Variants in LRP1B observed in about 807,000 individuals in gnomAD.
The protein encoded by LRP1B is low-density lipoprotein receptor-related protein 1B.
A neutral mutation model predicts 556.6 loss-of-function variants in LRP1B; 217 were observed. The observed-to-expected ratio is 0.39, with a 90% CI of 0.35 to 0.44. The LOEUF (loss-of-function observed/expected upper bound fraction) is 0.44. Ranked by LOEUF, LRP1B falls within the 20% of genes least tolerant of loss-of-function variation. LRP1B has a pLI of 1.00. For synonymous variants in LRP1B, 2,047 were observed against 1,865.8 expected (o/e 1.10, Z -2.50); for missense variants, 5,053 against 5,620.8 (o/e 0.90, Z 3.23).
intron 3 of LRP1B, among the ~76,000 whole-genome samples, chr2:141,320,888 A>G (rs925866338): frequency 6.6e-6 from 1 of 152,090 alleles, no homozygotes; most frequent in African/African-American, 2.4e-5. Flanking sequence ...AAGAAATAAC[A>G]AAGGCTTTAT....
At chr2:140,290,676 C>A (rs984240422) in intron 84 of LRP1B, among the ~76,000 whole-genome samples, 1 of 152,054 alleles carries the variant, frequency 6.6e-6, no homozygotes, top group African/African-American at 2.4e-5. Context: ...ACTTTGGTCG[C>A]TTTTAGCTGG....
chr2:141,666,865 C>T (rs1293397136), intron 2 of LRP1B, among the ~76,000 whole-genome samples: 1 of 152,112 alleles, frequency 6.6e-6, no homozygotes, highest in Admixed American at 6.5e-5. Flanking sequence ...AACCATTTAA[C>T]CTTGGTACAG....
At chr2:141,303,425 T>C (rs1460789597) in intron 3 of LRP1B, among the ~76,000 whole-genome samples, 2 of 152,138 alleles carry the variant, frequency 1.3e-5, no homozygotes, top group Non-Finnish European at 2.9e-5. Flanking sequence ...CTCTTCATGG[T>C]AATCACCAAC....
At chr2:141,003,401 G>A (rs1697480503) in intron 15 of LRP1B, among the ~76,000 whole-genome samples, 1 of 151,986 alleles carries the variant, frequency 6.6e-6, no homozygotes, top group Admixed American at 6.6e-5. Context: ...ATGAGATGGT[G>A]ATACGGTTTG....
intron 18 of LRP1B, among the ~76,000 whole-genome samples, chr2:140,970,493 T>A (rs1028499823): frequency 6.6e-6 from 1 of 152,062 alleles, no homozygotes; most frequent in African/African-American, 2.4e-5. Flanking sequence ...TCAGAGGAGT[T>A]TGATCATCTG....
At chr2:140,255,218 C>T (rs1681622647) in intron 86 of LRP1B, among the ~76,000 whole-genome samples, 1 of 152,044 alleles carries the variant, frequency 6.6e-6, no homozygotes, top group African/African-American at 2.4e-5. Context: ...ACAAAATTAC[C>T]CATTCACACA....
intron 7 of LRP1B, among the ~76,000 whole-genome samples, chr2:141,111,772 C>G (rs974728847): frequency 6.6e-6 from 1 of 152,100 alleles, no homozygotes; most frequent in Non-Finnish European, 1.5e-5. Flanking sequence ...CTACTCCAGC[C>G]GGTAGTGGTG....
chr2:140,604,232 A>G (rs1481910457), intron 41 of LRP1B, among the ~76,000 whole-genome samples: 6 of 151,702 alleles, frequency 4.0e-5, no homozygotes, highest in Non-Finnish European at 5.9e-5. Flanking sequence ...TGCCAAGAAA[A>G]AAAAAAAAAA....
intron 6 of LRP1B, among the ~76,000 whole-genome samples, chr2:141,197,838 C>T (rs1455895916): frequency 1.3e-5 from 2 of 152,028 alleles, no homozygotes; most frequent in Non-Finnish European, 2.9e-5. Context: ...AAGTTGTCTT[C>T]TAGCTTTGGT....
intron 41 of LRP1B, among the ~76,000 whole-genome samples, chr2:140,677,128 C>T (rs1402100418): frequency 6.6e-6 from 1 of 152,262 alleles, no homozygotes; most frequent in East Asian, 1.9e-4. Flanking sequence ...CAGGATGAAA[C>T]TGTGTCAGAG....
At position 141,122,828 on chromosome 2, in the gene LRP1B, T is replaced by C. The variant is rs572849558; in HGVS notation, c.1014-60555A>G. On this transcript the variant is annotated intron_variant, in intron 7 of 90. Coordinates refer to ENST00000389484, the MANE Select transcript of LRP1B (RefSeq NM_018557.3). ...ATGTTTATAGCGGCACTATTCACAA[T>C]AGCAAAGACTTGGAACCAACCCAAA... 3.8e-3 allele frequency among the ~76,000 whole-genome samples: 571 copies of C among 152,204 alleles called. 4 individuals carry two copies. Among genetic ancestry groups the C allele is most frequent in the African/African-American group, 0.012 (513 of 41,544 alleles).
chr2:140,780,635 C>T (rs1446480853), intron 32 of LRP1B, among the ~76,000 whole-genome samples: 3 of 152,078 alleles, frequency 2.0e-5, no homozygotes, highest in Admixed American at 6.5e-5. Flanking sequence ...TAAAGAGAGC[C>T]GTGGGGGTAG....
chr2:141,383,846 T>A (rs10166697), intron 3 of LRP1B, among the ~76,000 whole-genome samples: 2 of 151,926 alleles, frequency 1.3e-5, no homozygotes, highest in African/African-American at 4.8e-5. Context: ...TTAACAAGGG[T>A]TGGAGGATAC....
At chr2:142,075,312 TAG>T (rs1298673484) in intron 1 of LRP1B, among the ~76,000 whole-genome samples, 3 of 152,088 alleles carry the variant, frequency 2.0e-5, no homozygotes, top group Non-Finnish European at 4.4e-5. Context: ...GGTGTATTAA[TAG>T]AGTAAGTAAT....
At position 140,370,813 on chromosome 2, in the gene LRP1B, A is replaced by C. The variant is rs748980160; in HGVS notation, c.10905T>G (p.Asp3635Glu). 6.2e-7 allele frequency: 1 copy of C among 1,612,708 alleles called. No individual in the cohort carries two copies. Among genetic ancestry groups the C allele is most frequent in the Non-Finnish European group, 8.5e-7 (1 of 1,179,076 alleles). The change falls in exon 71 of 91, where the codon GAT becomes GAG. Residue 3635 changes from aspartate (D) to glutamate (E), a missense_variant. Coordinates refer to ENST00000389484, the MANE Select transcript of LRP1B (RefSeq NM_018557.3). ...GGGCTTTATTTTTGCACCGAAACTG[A>C]TCTTCCTTACATTCAGTCACACAGT... is the stretch of plus-strand genomic sequence containing the variant. Reference protein sequence around the residue: ...EMDCVTECKEDQFRCKNKAHC... With the variant: ...EMDCVTECKEEQFRCKNKAHC...
intron 3 of LRP1B, among the ~76,000 whole-genome samples, chr2:141,260,725 G>A (rs913560293): frequency 8.5e-5 from 13 of 152,166 alleles, no homozygotes; most frequent in African/African-American, 3.1e-4. Flanking sequence ...GTGAGAACAT[G>A]GCTGAGCTAT....
At chr2:140,640,798 G>A (rs939358062) in intron 41 of LRP1B, among the ~76,000 whole-genome samples, 3 of 152,146 alleles carry the variant, frequency 2.0e-5, no homozygotes, top group Non-Finnish European at 4.4e-5. Context: ...TTAGGGAGAT[G>A]TGCACTGATT....
rs570707480 is a variant in LRP1B at position 140,805,079 on chromosome 2, C to T, written c.5359+8578G>A. ...ATTGATTGAAAACAAATGTTGTGTG[C>T]ATAACCAGATCAACAGAGCCAATGT... On this transcript the variant is annotated intron_variant, in intron 32 of 90. Coordinates refer to ENST00000389484, the MANE Select transcript of LRP1B (RefSeq NM_018557.3). 5.3e-5 allele frequency among the ~76,000 whole-genome samples: 8 copies of T among 152,212 alleles called. No individual in the cohort carries two copies. The East Asian group carries it at 1.2e-3, about 22-fold the overall frequency.
intron 2 of LRP1B, among the ~76,000 whole-genome samples, chr2:141,517,324 G>T (rs112695354): frequency 1.3e-3 from 75 of 58,556 alleles, no homozygotes; most frequent in African/African-American, 3.4e-3. Flanking sequence ...GCTGGATTTC[G>T]ATCTCAGACC....
Sources: allele counts gnomAD v4.1 joint callset (sites outside exome capture counted in the v4.1 genomes callset), GRCh38; gene constraint gnomAD v4.1.1; transcripts MANE v1.5; gene names NCBI Gene and HGNC (gene_info 2026-07-23, HGNC 2026-07-21).